The following ATM variants were observed in gnomAD, a reference collection of about 807,000 sequenced individuals.
The protein encoded by ATM is serine-protein kinase ATM.
In ATM, 308 loss-of-function variants were observed where a neutral mutation model predicts 387.0. The ratio of observed to expected loss-of-function variants is 0.80; its 90% CI spans 0.73 to 0.87. The LOEUF is 0.87. Ranked by LOEUF, ATM falls within the 40% of genes least tolerant of loss-of-function variation. ATM has a pLI of 0.00. For synonymous variants in ATM, 1,156 were observed against 1,187.3 expected (o/e 0.97, Z 0.54); for missense variants, 3,312 against 3,560.9 (o/e 0.93, Z 1.78).
At chr11:108,234,634 C>T (rs140783104) in intron 4 of ATM, among the ~76,000 whole-genome samples, 4 of 152,166 alleles carry the variant, frequency 2.6e-5, no homozygotes, top group African/African-American at 9.6e-5. Context: ...CTCAGGAGTT[C>T]AAGACCAGCC....
chr11:108,291,031 C>T (rs900691464), intron 29 of ATM, among the ~76,000 whole-genome samples: 18 of 151,824 alleles, frequency 1.2e-4, no homozygotes, highest in African/African-American at 4.1e-4. Context: ...GTCAGGAGAT[C>T]GAGACCATCC....
intron 16 of ATM, among the ~76,000 whole-genome samples, chr11:108,259,818 G>A (rs1363590956): frequency 6.6e-6 from 1 of 151,996 alleles, no homozygotes; most frequent in Non-Finnish European, 1.5e-5. Flanking sequence ...CTGGAACACT[G>A]CCGGGCATAC....
rs876660494 is a variant in ATM, at chr11:108,252,011, A to T, written c.1782A>T (p.Glu594Asp). The T allele has an allele frequency of 6.2e-7, 1 of 1,612,588 alleles. No individual in the cohort carries two copies. The highest frequency in any genetic ancestry group is 2.2e-5 in the East Asian group (1 of 44,852). ...AGGGTGACTTAGAAAATAGCACAGA[A>T]GTGCCTCCAATTCTTCACAGGTAAT... Reference protein sequence around the residue: ...QLEGDLENSTEVPPILHSNFP... With the variant: ...QLEGDLENSTDVPPILHSNFP... Residue 594 changes from glutamate to aspartate, a missense_variant, in exon 11 of 63, where the codon GAA (glutamate) becomes GAT (aspartate). Glu to Asp is a conservative substitution (Grantham distance 45, BLOSUM62 2). This residue lies in a region of ATM where 1,791 missense variants were observed against 1,804.5 expected (regional missense o/e 0.99). Coordinates refer to ENST00000675843, the MANE Select transcript of ATM (RefSeq NM_000051.4).
chr11:108,295,178 C>T (rs1362358075), intron 32 of ATM, 119 bp downstream of exon 32: 1 of 1,335,420 alleles, frequency 7.5e-7, no homozygotes, highest in East Asian at 2.3e-5. Flanking sequence ...TCATTTAGTT[C>T]AGACCCTCAT....
chr11:108,227,622 A>G lies in ATM; in HGVS notation c.-3A>G, dbSNP rs1591445631. ...AGTGATGTGTGTTCTGAAATTGTGA[A>G]CCATGAGTCTAGTACTTAATGATCT... On this transcript the variant is annotated 5_prime_UTR_variant, in exon 2 of 63. Transcript: ENST00000675843. 10 of 1,613,626 alleles carry G rather than the reference A, an allele frequency of 6.2e-6. No homozygotes were observed. The highest frequency in any genetic ancestry group is 8.5e-6 in the Non-Finnish European group (10 of 1,179,700).
Position 108,354,002 on chromosome 11 carries a change from G to A in ATM, c.8786+122G>A, listed in dbSNP as rs937220945. 50 of 998,180 alleles carry A rather than the reference G, an allele frequency of 5.0e-5. 1 individual carries two copies. The highest frequency in any genetic ancestry group is 2.1e-4 in the Middle Eastern group (1 of 4,738). The allele number at this position is 998,180 out of a possible 1,614,324, so 61.8% of individuals were successfully genotyped here. On this transcript the variant is annotated intron_variant, in intron 60 of 62. Coordinates refer to ENST00000675843, the MANE Select transcript of ATM (RefSeq NM_000051.4). ...AGGCTGAAGTGGGAGGATTGTTTGAGCCCAGGAGTTTGAGTCCAGCCTAGG... is the reference window on the plus strand; with the variant it reads ...AGGCTGAAGTGGGAGGATTGTTTGAACCCAGGAGTTTGAGTCCAGCCTAGG...
chr11:108,250,138 CTAAA>C (rs1486821483), intron 9 of ATM, among the ~76,000 whole-genome samples: 1 of 72,796 alleles, frequency 1.4e-5, no homozygotes, highest in Non-Finnish European at 2.5e-5. Context: ...TAAAATATTG[CTAAA>C]TATATATATA....
At chr11:108,312,244 C>T (rs2084227386) in intron 39 of ATM, among the ~76,000 whole-genome samples, 167 bp from the exon 40 acceptor site, 1 of 152,124 alleles carries the variant, frequency 6.6e-6, no homozygotes, top group Admixed American at 6.5e-5. Context: ...TCACAAATTC[C>T]TTTTCCATCC....
chr11:108,264,300 A>G (rs1462068330), intron 16 of ATM, among the ~76,000 whole-genome samples: 1 of 152,168 alleles, frequency 6.6e-6, no homozygotes, highest in Non-Finnish European at 1.5e-5. Context: ...AGTGGGCTTC[A>G]TCCCTGGGAT....
intron 37 of ATM, among the ~76,000 whole-genome samples, chr11:108,305,685 T>C (rs374334641): frequency 5.1e-4 from 78 of 152,318 alleles, no homozygotes; most frequent in African/African-American, 1.7e-3. Context: ...TTTACTCTTA[T>C]AACCTACTTT....
Position 108,343,324 on chromosome 11 carries a change from T to C in ATM, c.8371T>C (p.Tyr2791His), listed in dbSNP as rs1020805015. Reference protein sequence around the residue: ...VNNEDGAHKRYRPNDFSAFQC... With the variant: ...VNNEDGAHKRHRPNDFSAFQC... ...CAATGAAGATGGTGCTCATAAAAGA[T>C]ACAGGCCAAATGATTTCAGTGCCTT... is the stretch of plus-strand genomic sequence containing the variant. The change falls in exon 57 of 63, where the codon TAC (tyrosine) becomes CAC (histidine). Residue 2791 changes from tyrosine (Y) to histidine (H), a missense_variant. Tyr to His is a moderately conservative substitution (Grantham distance 83, BLOSUM62 2). Coordinates refer to ENST00000675843, the MANE Select transcript of ATM (RefSeq NM_000051.4). 1.2e-6 allele frequency: 2 copies of C among 1,613,934 alleles called. No individual in the cohort carries two copies. The highest frequency in any genetic ancestry group is 2.7e-5 in the African/African-American group (2 of 74,924).
intron 33 of ATM, among the ~76,000 whole-genome samples, chr11:108,299,185 G>C (rs2083281732): frequency 6.6e-6 from 1 of 152,106 alleles, no homozygotes; most frequent in Non-Finnish European, 1.5e-5. Context: ...CATCTGGTTA[G>C]GGAGAACACA....
At chr11:108,316,444 A>C (rs533577387) in intron 42 of ATM, among the ~76,000 whole-genome samples, 2 of 152,158 alleles carry the variant, frequency 1.3e-5, no homozygotes, top group Non-Finnish European at 2.9e-5. Context: ...ACTGCTTCAC[A>C]TGGAAAATCT....
rs772228129 is a variant in ATM, at chr11:108,331,491, C to T, written c.7563C>T (p.Tyr2521=). 5.0e-6 allele frequency: 8 copies of T among 1,613,076 alleles called. 1 individual carries two copies. In the South Asian group the frequency reaches 8.8e-5, roughly 18 times the overall value. The change falls in exon 51 of 63, where the codon TAC becomes TAT. Residue 2521 remains tyrosine, a synonymous_variant. Coordinates refer to ENST00000675843, the MANE Select transcript of ATM (RefSeq NM_000051.4). ...CATATAAATTTTTGCCTCTTATGTA[C>T]CAATTGGCTGCTAGAATGGGGACCA... ...IPTYKFLPLM[Y]QLAARMGTKM...
chr11:108,250,761 G>A lies in ATM; in HGVS notation c.1296G>A (p.Leu432=), dbSNP rs876658894. The A allele has an allele frequency of 6.2e-7, 1 of 1,610,618 alleles. No homozygotes were observed. Among genetic ancestry groups the A allele is most frequent in the Non-Finnish European group, 8.5e-7 (1 of 1,179,690 alleles). Residue 432 remains leucine (L), a synonymous_variant, in exon 10 of 63, where the codon CTG becomes CTA. Transcript: ENST00000675843. The stretch of plus-strand genomic sequence containing the variant: ...CTGCAAGTTTACCTAACTGTGAGCT[G>A]TCTCCATTACTGATGATACTATCTC... ...KYPASLPNCE[L]SPLLMILSQL...
chr11:108,227,708 C>T lies in ATM; in HGVS notation c.72+12C>T, dbSNP rs1189498518. On this transcript the variant is annotated intron_variant, in intron 2 of 62. Transcript: ENST00000675843. ...CTACAGAACGAAAGGTAGTAAATTA[C>T]TTAAATTCAATTTTTCCTTGAAATA... The T allele has an allele frequency of 1.2e-6, 2 of 1,609,216 alleles. No individual in the cohort carries two copies. The highest frequency in any genetic ancestry group is 8.5e-7 in the Non-Finnish European group (1 of 1,178,112).
At chr11:108,240,897 T>C (rs1332483016) in intron 5 of ATM, among the ~76,000 whole-genome samples, 2 of 152,216 alleles carry the variant, frequency 1.3e-5, no homozygotes, top group African/African-American at 2.4e-5. Context: ...TTATAAACTT[T>C]AAAAATGTTT....
intron 46 of ATM, 88 bp downstream of exon 46, chr11:108,325,632 T>C: frequency 2.7e-6 from 3 of 1,125,094 alleles, no homozygotes; most frequent in Non-Finnish European, 3.9e-6. Flanking sequence ...AAAAGAAATG[T>C]CATTAAGAGA....
At chr11:108,348,780 CAAAG>C (rs892719163) in intron 59 of ATM, among the ~76,000 whole-genome samples, 4 of 151,752 alleles carry the variant, frequency 2.6e-5, no homozygotes, top group African/African-American at 9.7e-5. Context: ...CACTATAAAA[CAAAG>C]AAGAAAACCC....
Sources: allele counts gnomAD v4.1 joint callset (sites outside exome capture counted in the v4.1 genomes callset), GRCh38; gene constraint gnomAD v4.1.1; regional missense constraint gnomAD v4.1.1; transcripts MANE v1.5; gene names NCBI Gene and HGNC (gene_info 2026-07-23, HGNC 2026-07-21).